H6PD: variants seen among roughly 807,000 people sequenced by gnomAD.
The protein encoded by H6PD is hexose-6-phosphate dehydrogenase/glucose 1-dehydrogenase, also known as GDH/6PGL endoplasmic bifunctional protein.
Under a neutral mutation model 61.2 loss-of-function variants are expected in H6PD, and 48 were observed. The ratio of observed to expected loss-of-function variants is 0.78; its 90% confidence interval spans 0.62 to 1.00. The LOEUF is 1.00. Ranked by LOEUF, H6PD falls within the 50% of genes least tolerant of loss-of-function variation. The pLI is 0.00. For synonymous variants in H6PD, 480 were observed against 457.9 expected (o/e 1.05, Z -0.62); for missense variants, 1,093 against 1,065.0 (o/e 1.03, Z -0.37).
intron 1 of H6PD, among the ~76,000 whole-genome samples, chr1:9,243,871 G>C (rs1284746335): frequency 6.6e-6 from 1 of 150,750 alleles, no homozygotes; most frequent in Non-Finnish European, 1.5e-5. Context: ...AAGAGGCGGG[G>C]GCGGTGGGAG....
chr1:9,258,191 C>A (rs534420184), intron 3 of H6PD, among the ~76,000 whole-genome samples: 2 of 152,120 alleles, frequency 1.3e-5, no homozygotes, highest in Admixed American at 1.3e-4. Context: ...ATTGTTACAC[C>A]GGTGTTGTTA....
chr1:9,263,485 C>A (rs1201282517), intron 4 of H6PD, 24 bp from the exon 5 acceptor site: 4 of 1,612,222 alleles, frequency 2.5e-6, no homozygotes, highest in Admixed American at 1.7e-5. Flanking sequence ...CAGAGAGTCA[C>A]CCTCTGCTGT....
Position 9,242,546 on chromosome 1 carries a change from T to A in H6PD, c.-10-2379T>A, listed in dbSNP as rs539968087. On this transcript the variant is annotated intron_variant, in intron 1 of 4. Coordinates refer to ENST00000377403, the MANE Select transcript of H6PD (RefSeq NM_004285.4). Reference sequence around the variant, plus strand: ...CACAACAGGACTGGTCAGGGAGGACTGTGGCAAACCTCAGAGTCAGAACAG... The same window carrying A: ...CACAACAGGACTGGTCAGGGAGGACAGTGGCAAACCTCAGAGTCAGAACAG... 9.1e-6 allele frequency: 9 copies of A among 985,312 alleles called. No homozygotes were observed. The East Asian group carries it at 6.8e-4, about 74-fold the overall frequency. The allele number at this position is 985,312 out of a possible 1,614,324, so 61.0% of individuals were successfully genotyped here. A position where few individuals can be genotyped will look rare whatever the true frequency, so the allele number is the denominator to read the frequency against.
intron 3 of H6PD, among the ~76,000 whole-genome samples, chr1:9,258,919 G>A (rs2100376264): frequency 6.6e-6 from 1 of 152,242 alleles, no homozygotes; most frequent in East Asian, 1.9e-4. Flanking sequence ...TCGGTGTTAT[G>A]TTGTTATGCC....
At chr1:9,258,794 A>G (rs1421729080) in intron 3 of H6PD, among the ~76,000 whole-genome samples, 1 of 151,438 alleles carries the variant, frequency 6.6e-6, no homozygotes, top group African/African-American at 2.4e-5. Context: ...TTGTTACACC[A>G]GTGTTGTTAC....
intron 1 of H6PD, among the ~76,000 whole-genome samples, chr1:9,239,083 G>C (rs767342579): frequency 9.9e-5 from 15 of 151,390 alleles, no homozygotes; most frequent in Non-Finnish European, 2.2e-4. Flanking sequence ...GTCTCACTCT[G>C]TCACCCAGGC....
rs761359109 is a variant in H6PD at position 9,264,231 on chromosome 1, C to T, written c.1738C>T (p.Arg580Trp). The T allele has an allele frequency of 1.1e-5, 18 of 1,610,350 alleles. No homozygotes were observed. Among genetic ancestry groups the T allele is most frequent in the Admixed American group, 1.0e-4 (6 of 59,734 alleles). ...DIEATAVRAV[R>W]RFGQFHLALS... ...CGAGGCCACCGCTGTGCGAGCCGTG[C>T]GGCGCTTTGGCCAGTTCCACCTGGC... The change falls in exon 5 of 5, where the codon CGG (arginine) becomes TGG (tryptophan). Residue 580 changes from arginine to tryptophan, a missense_variant. Arg to Trp is a moderately radical substitution (Grantham distance 101). Coordinates refer to ENST00000377403, the MANE Select transcript of H6PD (RefSeq NM_004285.4).
At chr1:9,258,342 T>G (rs3753163) in intron 3 of H6PD, among the ~76,000 whole-genome samples, 1 of 152,030 alleles carries the variant, frequency 6.6e-6, no homozygotes, top group African/African-American at 2.4e-5. Context: ...GTTACATTGT[T>G]GTTACACCAG....
chr1:9,243,091 G>A, intron 1 of H6PD: 1 of 423,416 alleles, frequency 2.4e-6, no homozygotes, highest in South Asian at 9.8e-5. Flanking sequence ...CGTGTGTCCT[G>A]TAGACACTGG....
At chr1:9,252,156 G>A (rs1259374298) in intron 3 of H6PD, among the ~76,000 whole-genome samples, 2 of 152,082 alleles carry the variant, frequency 1.3e-5, no homozygotes, top group Admixed American at 6.5e-5. Flanking sequence ...TGAGTTCCAC[G>A]TGACTTATAT....
intron 3 of H6PD, among the ~76,000 whole-genome samples, chr1:9,255,105 G>T (rs1456816600): frequency 6.6e-6 from 1 of 152,014 alleles, no homozygotes; most frequent in Non-Finnish European, 1.5e-5. Flanking sequence ...GTGGACATTT[G>T]GGTTGCCTCT....
intron 1 of H6PD, among the ~76,000 whole-genome samples, chr1:9,236,668 TAAAAAA>T (rs34967254): frequency 9.0e-6 from 1 of 111,458 alleles, no homozygotes; most frequent in African/African-American, 3.3e-5. Context: ...GACTTCTCCT[TAAAAAA>T]AAAAAAAAAA....
intron 3 of H6PD, among the ~76,000 whole-genome samples, chr1:9,249,097 G>A (rs1160089421): frequency 1.3e-5 from 2 of 152,220 alleles, no homozygotes; most frequent in African/African-American, 2.4e-5. Flanking sequence ...CATCCCCAGC[G>A]AGGCTGGGAG....
chr1:9,264,907 T>A lies in H6PD; in HGVS notation c.*38T>A. ...CCCTTGCCCGCTTCGCTCCTGTGCTTTCCTTCGCCCGTGTCTTCCCTCCCT... is the reference window on the plus strand; with the variant it reads ...CCCTTGCCCGCTTCGCTCCTGTGCTATCCTTCGCCCGTGTCTTCCCTCCCT... On this transcript the variant is annotated 3_prime_UTR_variant, in exon 5 of 5. Transcript: ENST00000377403. The A allele has an allele frequency of 6.2e-7, 1 of 1,605,842 alleles. No homozygotes were observed. Among genetic ancestry groups the A allele is most frequent in the Non-Finnish European group, 8.5e-7 (1 of 1,178,930 alleles).
intron 4 of H6PD, among the ~76,000 whole-genome samples, chr1:9,262,685 A>G (rs548619185): frequency 1.3e-5 from 2 of 152,304 alleles, no homozygotes; most frequent in African/African-American, 4.8e-5. Context: ...CCACAGCTGG[A>G]GACACTTCCA....
chr1:9,252,629 T>C (rs1641402874), intron 3 of H6PD, among the ~76,000 whole-genome samples: 1 of 152,192 alleles, frequency 6.6e-6, no homozygotes, highest in Non-Finnish European at 1.5e-5. Context: ...AATTAAGTGG[T>C]TTTTAGTATA....
Position 9,242,197 on chromosome 1 carries a change from G to A in H6PD, c.-10-2728G>A, listed in dbSNP as rs969885806. On this transcript the variant is annotated intron_variant, in intron 1 of 4. Transcript: ENST00000377403. ...TCTGGTGCTCGCTGCTCAGTATTCC[G>A]GAGTCTCACTACTCAAAGTGTGCTC... is the stretch of plus-strand genomic sequence containing the variant. 4.6e-5 allele frequency among the ~76,000 whole-genome samples: 7 copies of A among 152,036 alleles called. No individual in the cohort carries two copies. The East Asian group carries it at 9.6e-4, about 21-fold the overall frequency.
At chr1:9,260,878 A>ACC (rs1638247321) in intron 3 of H6PD, among the ~76,000 whole-genome samples, 1 of 151,238 alleles carries the variant, frequency 6.6e-6, no homozygotes, top group Non-Finnish European at 1.5e-5. Context: ...CCTCCACCAA[A>ACC]CCCCTCTGCT....
In H6PD at chr1:9,263,971, T is replaced by C; in HGVS notation, c.1478T>C (p.Leu493Pro). 6.2e-7 allele frequency: 1 copy of C among 1,614,222 alleles called. No individual in the cohort carries two copies. The highest frequency in any genetic ancestry group is 8.5e-7 in the Non-Finnish European group (1 of 1,180,034). Residue 493 changes from leucine (L) to proline (P), a missense_variant, in exon 5 of 5, where the codon CTG (leucine) becomes CCG (proline). Transcript: ENST00000377403. The stretch of plus-strand genomic sequence containing the variant: ...TTCTGGACCCCTCTGCTGGAGAGCC[T>C]GGCCCATAAGGCCCCACGCCTCTAC... ...WNFWTPLLESLAHKAPRLYPG... is the reference protein window; with the variant it reads ...WNFWTPLLESPAHKAPRLYPG...
Sources: allele counts gnomAD v4.1 joint callset (sites outside exome capture counted in the v4.1 genomes callset), GRCh38; gene constraint gnomAD v4.1.1; transcripts MANE v1.5; gene names NCBI Gene and HGNC (gene_info 2026-07-23, HGNC 2026-07-21).